The following TTN variants were observed in gnomAD, a reference collection of about 807,000 sequenced individuals.
TTN encodes titin.
A neutral mutation model predicts 3,223.0 loss-of-function variants in TTN; 1,525 were observed. The observed-to-expected ratio is 0.47, with a 90% CI of 0.45 to 0.49. The LOEUF (loss-of-function observed/expected upper bound fraction) is 0.49, where lower values mean the gene tolerates loss of function less well. TTN is among the 20% of genes least tolerant of loss of function. TTN has a pLI of 0.00. For missense variants in TTN, 40,786 were observed against 43,424.0 expected (o/e 0.94, Z 5.40); for synonymous variants, 14,094 against 15,161.0 (o/e 0.93, Z 5.17).
rs149288610 is a variant in TTN at position 178,769,776 on chromosome 2, G to A, written c.8805C>T (p.Leu2935=). Residue 2935 remains leucine (L), a synonymous_variant, in exon 37 of 363, where the codon CTC becomes CTT. Transcript: ENST00000589042. ...EKFKIVVQGK[L]HQLIIMNTST... is the part of the protein sequence containing the mutation. The stretch of plus-strand genomic sequence containing the variant: ...TGGTGTTCATGATGATCAGCTGATG[G>A]AGTTTTCCCTGCACAACTATCTTGA... 3 of 1,613,864 alleles carry A rather than the reference G, an allele frequency of 1.9e-6. No homozygotes were observed. The highest frequency in any genetic ancestry group is 2.5e-6 in the Non-Finnish European group (3 of 1,179,994).
intron 332 of TTN, 53 bp downstream of exon 332, chr2:178,554,398 GTA>G: frequency 1.3e-6 from 2 of 1,560,340 alleles, no homozygotes; most frequent in Non-Finnish European, 1.7e-6. Flanking sequence ...ACAGGTTAGC[GTA>G]GTTTATTTTT....
Position 178,698,879 on chromosome 2 carries a change from C to CT in TTN, c.30717dup (p.Val10240SerfsTer12). The CT allele has an allele frequency of 1.3e-6, 2 of 1,526,768 alleles. No individual in the cohort carries two copies. Among genetic ancestry groups the CT allele is most frequent in the Non-Finnish European group, 8.8e-7 (1 of 1,140,188 alleles). The allele number at this position is 1,526,768 out of a possible 1,614,324, so 94.6% of individuals were successfully genotyped here. A position where few individuals can be genotyped will look rare whatever the true frequency, so the allele number is the denominator to read the frequency against. On this transcript the variant is annotated frameshift_variant, in exon 112 of 363. Coordinates refer to ENST00000589042, the MANE Select transcript of TTN (RefSeq NM_001267550.2). LOFTEE classifies it high-confidence loss of function. Reference sequence around the variant, plus strand: ...GTCATCTCTTTGGGCTTTGCAACAACTTTTTTGGCATCTTTCTTCACAGCC... The same window carrying CT: ...GTCATCTCTTTGGGCTTTGCAACAACTTTTTTTGGCATCTTTCTTCACAGCC...
rs1358589426 is a variant in TTN at position 178,569,538 on chromosome 2, C to A, written c.76594G>T (p.Val25532Phe). 4 of 1,612,782 alleles carry A rather than the reference C, an allele frequency of 2.5e-6. No individual in the cohort carries two copies. The highest frequency in any genetic ancestry group is 2.2e-5 in the East Asian group (1 of 44,716). The change falls in exon 326 of 363, where the codon GTT becomes TTT. Residue 25532 changes from valine (V) to phenylalanine (F), a missense_variant. Transcript: ENST00000589042. ...GGTGTAGGACGACCTTTTATAGGAA[C>A]AAATAACCTTAAGGAGCCACCTGCC... ...IRAGGSLRLFVPIKGRPTPEV... is the reference protein window; with the variant it reads ...IRAGGSLRLFFPIKGRPTPEV...
rs184557787 is a variant in TTN at position 178,724,805 on chromosome 2, A to G, written c.20837-267T>C. ...CTTATGTAGCAATTATTCTTAAGAA[A>G]TATATGTTCGTGCATGACTCAACTT... On this transcript the variant is annotated intron_variant, in intron 71 of 362. Transcript: ENST00000589042. 15 of 308,656 alleles carry G rather than the reference A, an allele frequency of 4.9e-5. No individual in the cohort carries two copies. In the Admixed American group the frequency reaches 7.1e-4, roughly 15 times the overall value. 19.1% of individuals were successfully genotyped at this position (308,656 alleles called of 1,614,324 possible).
In TTN at chr2:178,693,669, T is replaced by C; in HGVS notation, c.31534A>G (p.Ile10512Val). The change falls in exon 119 of 363, where the codon ATT becomes GTT. Residue 10512 changes from isoleucine (I) to valine (V), a missense_variant. Physicochemically the swap from Ile to Val is conservative, Grantham distance 29. Transcript: ENST00000589042. ...SVTVPEVQKE[I>V]VTEEKIHVAI... ...ACGTGAATTTTCTCTTCAGTAACAATTTCCTTTTGTACCTCGGGGACTTAA... is the reference window on the plus strand; with the variant it reads ...ACGTGAATTTTCTCTTCAGTAACAACTTCCTTTTGTACCTCGGGGACTTAA... 1 of 1,600,150 alleles carries C rather than the reference T, an allele frequency of 6.2e-7. No homozygotes were observed. Among genetic ancestry groups the C allele is most frequent in the Non-Finnish European group, 8.5e-7 (1 of 1,170,320 alleles).
Position 178,537,916 on chromosome 2 carries a change from A to G in TTN, c.99291T>C (p.Ser33097=), listed in dbSNP as rs748101761. The G allele has an allele frequency of 1.7e-5, 28 of 1,603,072 alleles. No individual in the cohort carries two copies. Among genetic ancestry groups the G allele is most frequent in the Non-Finnish European group, 2.4e-5 (28 of 1,173,856 alleles). ...CTTTGCGTATTCCTGGGGCCTCTCCAGCTGAACAATATGAAAGATAATATT... is the reference window on the plus strand; with the variant it reads ...CTTTGCGTATTCCTGGGGCCTCTCCGGCTGAACAATATGAAAGATAATATT... ...TAMSIKTKLT[S]GEAPGIRKEM... Residue 33097 remains serine (S), a splice_region_variant and synonymous_variant, in exon 355 of 363, where the codon TCT becomes TCC. Transcript: ENST00000589042.
chr2:178,569,654 G>T lies in TTN; in HGVS notation c.76478C>A (p.Ala25493Asp), dbSNP rs1707414418. 1 of 1,612,164 alleles carries T rather than the reference G, an allele frequency of 6.2e-7. No homozygotes were observed. The highest frequency in any genetic ancestry group is 2.2e-5 in the East Asian group (1 of 44,620). ...AACTATAATAGGTCCAGGGACGTCA[G>T]CATGTTCTCCAACTCCAGCTTTATT... is the stretch of plus-strand genomic sequence containing the variant. The part of the protein sequence containing the change: ...AINKAGVGEH[A>D]DVPGPIIVEE... The change falls in exon 326 of 363, where the codon GCT becomes GAT. Residue 25493 changes from alanine (A) to aspartate (D), a missense_variant. By Grantham distance (126) the Ala-to-Asp change is moderately radical. Coordinates refer to ENST00000589042, the MANE Select transcript of TTN (RefSeq NM_001267550.2).
intron 10 of TTN, 88 bp downstream of exon 10, chr2:178,791,984 T>C: frequency 7.1e-7 from 1 of 1,416,646 alleles, no homozygotes; most frequent in Non-Finnish European, 9.7e-7. Context: ...GACTTCTCCA[T>C]TTAAGGGTTT....
chr2:178,693,450 A>G (rs1008629729), intron 119 of TTN, among the ~76,000 whole-genome samples, 159 bp downstream of exon 119: 1 of 151,992 alleles, frequency 6.6e-6, no homozygotes, highest in Non-Finnish European at 1.5e-5. Flanking sequence ...TGCCTTCCTC[A>G]TGGTTCTTCC....
chr2:178,787,809 T>C (rs1036789089), intron 13 of TTN, among the ~76,000 whole-genome samples: 1 of 152,092 alleles, frequency 6.6e-6, no homozygotes, highest in Non-Finnish European at 1.5e-5. Context: ...TACACACACT[T>C]ATTGGTGGAC....
chr2:178,644,574 T>C lies in TTN; in HGVS notation c.40451A>G (p.Glu13484Gly). The change falls in exon 218 of 363, where the codon GAA becomes GGA. Residue 13484 changes from glutamate (E) to glycine (G), a missense_variant. Physicochemically the swap from Glu to Gly is moderately conservative, Grantham distance 98 (BLOSUM62 -2). Transcript: ENST00000589042. The part of the protein sequence containing the change: ...KKVPEKPQVP[E>G]KVELTPLKVP... ...TTTCAGAGGTGTAAGCTCCACTTTT[T>C]CTGGAACCTGAGGTTTTTCAGGAAC... 1.9e-6 allele frequency: 3 copies of C among 1,586,178 alleles called. No homozygotes were observed. The highest frequency in any genetic ancestry group is 2.6e-6 in the Non-Finnish European group (3 of 1,168,628).
In TTN at chr2:178,593,304, G is replaced by C; in HGVS notation, c.58904C>G (p.Pro19635Arg). 6.2e-7 allele frequency: 1 copy of C among 1,613,304 alleles called. No individual in the cohort carries two copies. The highest frequency in any genetic ancestry group is 1.1e-5 in the South Asian group (1 of 91,048). Residue 19635 changes from proline to arginine, a missense_variant, in exon 299 of 363, where the codon CCA becomes CGA. Physicochemically the swap from Pro to Arg is moderately radical, Grantham distance 103 (BLOSUM62 -2). Transcript: ENST00000589042. The stretch of plus-strand genomic sequence containing the variant: ...ATCAGGAACCCTAAATTTAGTGTAT[G>C]GATGAATAGGATCTTTGGTAACTCT... ...WARVTKDPIH[P>R]YTKFRVPDLL...
At chr2:178,630,445 T>G in intron 238 of TTN, 78 bp from the exon 239 acceptor site, 1 of 1,463,774 alleles carries the variant, frequency 6.8e-7, no homozygotes, top group Non-Finnish European at 9.2e-7. Context: ...ATTATCTTAA[T>G]TAAAGGAATG....
chr2:178,604,573 A>G, intron 281 of TTN, 135 bp downstream of exon 281: 2 of 1,016,202 alleles, frequency 2.0e-6, no homozygotes, highest in Middle Eastern at 3.2e-4. Context: ...GGGGCTAAAC[A>G]CTACAATAAC....
In TTN at chr2:178,664,453, A is replaced by G; in HGVS notation, c.36280+7T>C. 1 of 1,603,464 alleles carries G rather than the reference A, an allele frequency of 6.2e-7. No homozygotes were observed. Among genetic ancestry groups the G allele is most frequent in the Non-Finnish European group, 8.5e-7 (1 of 1,174,066 alleles). On this transcript the variant is annotated splice_region_variant and intron_variant, in intron 168 of 362. Coordinates refer to ENST00000589042, the MANE Select transcript of TTN (RefSeq NM_001267550.2). ...ATCCCACCATAAAAAGACAGTTAAGAATGTACCTTTGACAGGTACAACTTC... is the reference window on the plus strand; with the variant it reads ...ATCCCACCATAAAAAGACAGTTAAGGATGTACCTTTGACAGGTACAACTTC...
chr2:178,667,288 C>T lies in TTN; in HGVS notation c.35745G>A (p.Glu11915=). The T allele has an allele frequency of 6.2e-7, 1 of 1,605,446 alleles. No homozygotes were observed. ...CAGGAATAGCCTCAGGTGGCTCCAC[C>T]TCTGGAAAAATGCCTCTGGTTGTAT... The part of the protein sequence containing the change: ...EPDTTRGIFP[E]VEPPEAIPEI... The change falls in exon 162 of 363, where the codon GAG becomes GAA. Residue 11915 remains glutamate, a synonymous_variant. Coordinates refer to ENST00000589042, the MANE Select transcript of TTN (RefSeq NM_001267550.2).
chr2:178,623,178 A>G (rs1314832291), intron 242 of TTN, among the ~76,000 whole-genome samples: 2 of 151,930 alleles, frequency 1.3e-5, no homozygotes, highest in Non-Finnish European at 2.9e-5. Context: ...TCTTTGAGAA[A>G]TTAGCAGAAT....
Position 178,704,276 on chromosome 2 carries a change from C to G in TTN, c.30094G>C (p.Gly10032Arg), listed in dbSNP as rs1336921459. 1 of 1,613,944 alleles carries G rather than the reference C, an allele frequency of 6.2e-7. No homozygotes were observed. Among genetic ancestry groups the G allele is most frequent in the South Asian group, 1.1e-5 (1 of 91,084 alleles). The change falls in exon 106 of 363, where the codon GGT becomes CGT. Residue 10032 changes from glycine to arginine, a missense_variant. Gly to Arg is a moderately radical substitution (Grantham distance 125). Transcript: ENST00000589042. ...FRNGRILKPQ[G>R]RHKTEVEHKV... ...TGTTCCACTTCTGTTTTATGTCTAC[C>G]TTGGGGTTTAAGGATTCTGCCATTT...
chr2:178,540,053 G>T lies in TTN; in HGVS notation c.98098+15C>A. ...ATGGCAATTATTGCAGAAAGCAAAT[G>T]ATCATATGTCTCACCAAGCATTTCA... On this transcript the variant is annotated intron_variant, in intron 351 of 362. Transcript: ENST00000589042. 6.3e-7 allele frequency: 1 copy of T among 1,595,322 alleles called. No homozygotes were observed. The highest frequency in any genetic ancestry group is 8.6e-7 in the Non-Finnish European group (1 of 1,169,160).
Sources: gnomAD v4.1 joint callset for allele counts (sites outside exome capture counted in the v4.1 genomes callset) on GRCh38, gnomAD v4.1.1 for gene constraint, MANE v1.5 for transcripts, NCBI Gene and HGNC (gene_info 2026-07-23, HGNC 2026-07-21) for gene names.